STK32B: variants seen among roughly 807,000 people sequenced by gnomAD.
STK32B encodes serine/threonine kinase 32B.
A neutral mutation model predicts 52.6 loss-of-function variants in STK32B; 43 were observed. The ratio of observed to expected loss-of-function variants is 0.82; its 90% CI spans 0.64 to 1.05. STK32B has a LOEUF of 1.05. Ranked by LOEUF, STK32B falls within the 50% of genes least tolerant of loss-of-function variation. The pLI, the probability that STK32B is intolerant of heterozygous loss-of-function variation, is 0.00. For synonymous variants in STK32B, 238 were observed against 204.3 expected, an observed-to-expected ratio of 1.17 and a Z score of -1.41; for missense variants, 621 against 534.6, an observed-to-expected ratio of 1.16 and a Z score of -1.59.
At chr4:5,100,236 G>A (rs751514011) in intron 1 of STK32B, among the ~76,000 whole-genome samples, 1 of 152,126 alleles carries the variant, frequency 6.6e-6, no homozygotes, top group Non-Finnish European at 1.5e-5. Flanking sequence ...CACAGGAGGT[G>A]TTCAGATCAA....
chr4:5,349,498 G>A (rs1443300579), intron 4 of STK32B, among the ~76,000 whole-genome samples: 1 of 151,830 alleles, frequency 6.6e-6, no homozygotes, highest in East Asian at 1.9e-4. Flanking sequence ...CTTCCCCTAT[G>A]AAAGCAAATT....
Position 5,159,606 on chromosome 4 carries a change from T to TGA in STK32B, c.109-8693_109-8692insGA, listed in dbSNP as rs371568740. ...ATATATGAATATATATGAATATATA[T>TGA]ATGAATATATATGAATATATATGAA... On this transcript the variant is annotated intron_variant, in intron 2 of 11. Transcript: ENST00000282908. Among the ~76,000 whole-genome samples, 5 of 97,534 alleles carry TGA rather than the reference T, an allele frequency of 5.1e-5. 1 individual carries two copies. Among genetic ancestry groups the TGA allele is most frequent in the African/African-American group, 2.4e-4 (4 of 16,896 alleles). The allele number at this position is 97,534 out of a possible 152,430, so 64.0% of individuals were successfully genotyped here.
intron 4 of STK32B, among the ~76,000 whole-genome samples, chr4:5,371,334 A>G (rs1735227824): frequency 6.6e-6 from 1 of 152,146 alleles, no homozygotes; most frequent in Non-Finnish European, 1.5e-5. Flanking sequence ...GGGAGGAGGA[A>G]TTGGATCAGA....
At chr4:5,210,682 A>G (rs902909322) in intron 3 of STK32B, among the ~76,000 whole-genome samples, 1 of 152,216 alleles carries the variant, frequency 6.6e-6, no homozygotes, top group Admixed American at 6.5e-5. Context: ...GCATTCAAAA[A>G]CAGATAAATG....
chr4:5,461,459 G>A (rs942166808), intron 9 of STK32B, among the ~76,000 whole-genome samples: 1 of 152,164 alleles, frequency 6.6e-6, no homozygotes, highest in African/African-American at 2.4e-5. Flanking sequence ...TTCTCCAAGA[G>A]TGCCAGGCTT....
chr4:5,172,975 C>G (rs1173989502), intron 3 of STK32B, among the ~76,000 whole-genome samples: 1 of 152,170 alleles, frequency 6.6e-6, no homozygotes, highest in Non-Finnish European at 1.5e-5. Flanking sequence ...TAATTATTGC[C>G]TCAATTTCAG....
intron 2 of STK32B, among the ~76,000 whole-genome samples, chr4:5,166,719 G>A (rs542613740): frequency 6.6e-6 from 1 of 151,964 alleles, no homozygotes; most frequent in South Asian, 2.1e-4. Flanking sequence ...TGGACTCCCA[G>A]CCCTCAGAAC....
At chr4:5,446,277 G>C (rs1472077106) in intron 6 of STK32B, among the ~76,000 whole-genome samples, 1 of 152,230 alleles carries the variant, frequency 6.6e-6, no homozygotes, top group Non-Finnish European at 1.5e-5. Context: ...AAGAAAGCTA[G>C]ATTTCTGACC....
chr4:5,498,828 G>A, intron 11 of STK32B, 117 bp from the exon 12 acceptor site: 1 of 1,374,642 alleles, frequency 7.3e-7, no homozygotes, highest in Non-Finnish European at 9.6e-7. Flanking sequence ...ATCTTCCCAG[G>A]TAGGGGAAGG....
At chr4:5,358,566 T>C (rs1734324766) in intron 4 of STK32B, among the ~76,000 whole-genome samples, 1 of 151,810 alleles carries the variant, frequency 6.6e-6, no homozygotes, top group Admixed American at 6.6e-5. Flanking sequence ...AACAAAGACA[T>C]TAAGATGGAA....
At chr4:5,242,358 G>T (rs1167613437) in intron 3 of STK32B, among the ~76,000 whole-genome samples, 2 of 152,136 alleles carry the variant, frequency 1.3e-5, no homozygotes. Context: ...TGTGTTTTTT[G>T]GCTGCATAAA....
rs1484849476 is a variant in STK32B, at chr4:5,380,750, C to T, written c.435-17457C>T. ...CCCTGCATTTTCTTTTTGCACTGGA[C>T]TCCACCCATTTTGTAGCTGACACTG... On this transcript the variant is annotated intron_variant, in intron 4 of 11. Transcript: ENST00000282908. This position sits in a 1 kb window ranked among gnomAD's most constrained non-coding sequence, Gnocchi z 4.3. Among the ~76,000 whole-genome samples, 1 of 152,170 alleles carries T rather than the reference C, an allele frequency of 6.6e-6. No individual in the cohort carries two copies. The highest frequency in any genetic ancestry group is 1.5e-5 in the Non-Finnish European group (1 of 68,030).
At chr4:5,456,732 C>A in intron 7 of STK32B, 75 bp from the exon 8 acceptor site, 2 of 1,275,136 alleles carry the variant, frequency 1.6e-6, no homozygotes, top group Non-Finnish European at 2.2e-6. Flanking sequence ...CCCTCATAAT[C>A]ATACAATCTT....
intron 1 of STK32B, among the ~76,000 whole-genome samples, chr4:5,138,597 A>T (rs1716219387): frequency 6.6e-6 from 1 of 152,208 alleles, no homozygotes. Context: ...CTGAGTGCTA[A>T]GGGTACAACA....
chr4:5,337,869 A>T (rs139671831), intron 4 of STK32B, among the ~76,000 whole-genome samples: 2 of 152,198 alleles, frequency 1.3e-5, no homozygotes, highest in African/African-American at 4.8e-5. Context: ...CAAAAACTCA[A>T]TTATACTCTA....
chr4:5,147,483 A>G (rs898757086), intron 2 of STK32B, among the ~76,000 whole-genome samples: 2 of 152,052 alleles, frequency 1.3e-5, no homozygotes, highest in African/African-American at 4.8e-5. Context: ...GGTGGGAGCA[A>G]GCATCATTGT....
intron 2 of STK32B, among the ~76,000 whole-genome samples, chr4:5,166,278 G>C (rs1483357188): frequency 1.3e-5 from 2 of 151,686 alleles, no homozygotes; most frequent in Non-Finnish European, 2.9e-5. Context: ...AGAGAGCCTG[G>C]GTTTGAGTTG....
intron 3 of STK32B, among the ~76,000 whole-genome samples, chr4:5,291,159 T>G (rs891688469): frequency 2.0e-5 from 3 of 152,134 alleles, no homozygotes; most frequent in Admixed American, 6.5e-5. Context: ...ATGTATCTCT[T>G]GCATGTCCAT....
At chr4:5,424,990 G>A (rs745538809) in intron 6 of STK32B, among the ~76,000 whole-genome samples, 17 of 152,332 alleles carry the variant, frequency 1.1e-4, no homozygotes, top group South Asian at 2.1e-4. Context: ...AGCCACTTGC[G>A]GTATGCCTGG....
Sources: allele counts gnomAD v4.1 joint callset (sites outside exome capture counted in the v4.1 genomes callset), GRCh38; gene constraint gnomAD v4.1.1; non-coding constraint Gnocchi (gnomAD v3.1); transcripts MANE v1.5; gene names NCBI Gene and HGNC (gene_info 2026-07-23, HGNC 2026-07-21).